The following TDRP variants were observed in gnomAD, a reference collection of about 807,000 sequenced individuals.
The protein encoded by TDRP is testis development related protein.
In TDRP, 12 loss-of-function variants were observed where a neutral mutation model predicts 10.5. The observed-to-expected ratio is 1.15, with a 90% confidence interval of 0.73 to 1.86. The LOEUF (loss-of-function observed/expected upper bound fraction) is 1.86. TDRP is among the 40% of genes most tolerant of loss of function. The probability of loss-of-function intolerance (pLI) is 0.00; values close to 1 mark genes in which losing one functional copy is unlikely to be tolerated. For synonymous variants in TDRP, 139 were observed against 95.4 expected (o/e 1.46, Z -2.67); for missense variants, 353 against 229.2 (o/e 1.54, Z -3.49).
Position 492,127 on chromosome 8 carries a change from C to T in TDRP, c.*272G>A. The stretch of plus-strand genomic sequence containing the variant: ...TCATTACTGCTGTATTATGGGAGAG[C>T]ATCATAAATTCACATCTCCAGTTTC... On this transcript the variant is annotated 3_prime_UTR_variant, in exon 3 of 3. Coordinates refer to ENST00000324079, the MANE Select transcript of TDRP (RefSeq NM_001384899.1). 1.6e-6 allele frequency: 2 copies of T among 1,235,552 alleles called. No individual in the cohort carries two copies. Among genetic ancestry groups the T allele is most frequent in the Non-Finnish European group, 2.0e-6 (2 of 989,926 alleles). The allele number at this position is 1,235,552 out of a possible 1,614,324, so 76.5% of individuals were successfully genotyped here. A position where few individuals can be genotyped will look rare whatever the true frequency, so the allele number is the denominator to read the frequency against.
At chr8:539,536 G>A (rs913888614) in intron 1 of TDRP, among the ~76,000 whole-genome samples, 4 of 152,168 alleles carry the variant, frequency 2.6e-5, no homozygotes, top group African/African-American at 4.8e-5. Flanking sequence ...TACTGGTAAG[G>A]GCTACAACTT....
At chr8:515,340 G>C (rs1180102744) in intron 1 of TDRP, among the ~76,000 whole-genome samples, 1 of 152,226 alleles carries the variant, frequency 6.6e-6, no homozygotes, top group African/African-American at 2.4e-5. Context: ...CATTATGCAT[G>C]TAAAGTGTTG....
intron 1 of TDRP, among the ~76,000 whole-genome samples, chr8:525,731 G>C (rs907581014): frequency 1.3e-5 from 2 of 152,036 alleles, no homozygotes; most frequent in African/African-American, 4.8e-5. Flanking sequence ...TACCACAAGA[G>C]AAAATCACCG....
intron 1 of TDRP, among the ~76,000 whole-genome samples, chr8:519,559 G>A (rs1350568958): frequency 6.6e-6 from 1 of 151,808 alleles, no homozygotes; most frequent in Non-Finnish European, 1.5e-5. Flanking sequence ...TCTATATACA[G>A]ACTGAAAAAC....
In TDRP at chr8:544,659, G is replaced by A. The variant is rs1450061448; in HGVS notation, c.99C>T (p.Ala33=). 37 of 431,138 alleles carry A rather than the reference G, an allele frequency of 8.6e-5. No homozygotes were observed. The highest frequency in any genetic ancestry group is 1.2e-4 in the Non-Finnish European group (36 of 305,416). 26.7% of individuals were successfully genotyped at this position (431,138 alleles called of 1,614,324 possible). The change falls in exon 1 of 3, where the codon GCC becomes GCT. Residue 33 remains alanine (A), a synonymous_variant. Coordinates refer to ENST00000324079, the MANE Select transcript of TDRP (RefSeq NM_001384899.1). ...GGPPPAAAAA[A]QAQVQGASFR... is the part of the protein sequence containing the mutation. ...CTGCGCACCCCCTCACCTGCGCCTG[G>A]GCGGCGGCGGCGGCGGCCGGTGGCG...
chr8:533,211 G>C (rs1802254473), intron 1 of TDRP, among the ~76,000 whole-genome samples: 1 of 152,184 alleles, frequency 6.6e-6, no homozygotes, highest in African/African-American at 2.4e-5. Context: ...TCACAAGCCA[G>C]AAGCACATAA....
intron 1 of TDRP, among the ~76,000 whole-genome samples, chr8:504,850 T>A (rs971104749): frequency 6.6e-6 from 1 of 152,222 alleles, no homozygotes; most frequent in Non-Finnish European, 1.5e-5. Flanking sequence ...CCCAGACTTA[T>A]AAATTCATTC....
intron 1 of TDRP, among the ~76,000 whole-genome samples, chr8:502,565 A>C (rs1801334285): frequency 6.6e-6 from 1 of 152,202 alleles, no homozygotes; most frequent in African/African-American, 2.4e-5. Flanking sequence ...ACAAACATGG[A>C]ACCCAGAGCC....
At chr8:511,846 G>A (rs867958396) in intron 1 of TDRP, among the ~76,000 whole-genome samples, 6 of 152,044 alleles carry the variant, frequency 3.9e-5, no homozygotes, top group Admixed American at 1.3e-4. Context: ...GGTCTAAGAA[G>A]GAAATCAGAA....
At chr8:540,332 G>C (rs774805751) in intron 1 of TDRP, among the ~76,000 whole-genome samples, 1 of 152,132 alleles carries the variant, frequency 6.6e-6, no homozygotes, top group Non-Finnish European at 1.5e-5. Context: ...ATATTATGAA[G>C]GGAACTCAAG....
chr8:493,869 T>A (rs2116709932), intron 2 of TDRP, among the ~76,000 whole-genome samples: 1 of 152,262 alleles, frequency 6.6e-6, no homozygotes, highest in African/African-American at 2.4e-5. Flanking sequence ...TAAGTTCAAT[T>A]TATAATTCTA....
chr8:505,415 G>A (rs1465393155), intron 1 of TDRP, among the ~76,000 whole-genome samples: 1 of 152,208 alleles, frequency 6.6e-6, no homozygotes, highest in Non-Finnish European at 1.5e-5. Flanking sequence ...TTGAAGATGT[G>A]TAAAATTTCT....
intron 1 of TDRP, among the ~76,000 whole-genome samples, chr8:539,675 A>T (rs966651023): frequency 6.6e-6 from 1 of 152,202 alleles, no homozygotes; most frequent in Admixed American, 6.5e-5. Flanking sequence ...AAGCAGGGAG[A>T]GAAAGGCCTC....
Position 492,248 on chromosome 8 carries a change from G to A in TDRP, c.*151C>T, listed in dbSNP as rs747891534. On this transcript the variant is annotated 3_prime_UTR_variant, in exon 3 of 3. Coordinates refer to ENST00000324079, the MANE Select transcript of TDRP (RefSeq NM_001384899.1). ...CACCAAGGAGTCACAGTGTGTGTGA[G>A]AGTTCATTAAATAAAGAAACAGAGG... 1 of 1,340,574 alleles carries A rather than the reference G, an allele frequency of 7.5e-7. No homozygotes were observed. The highest frequency in any genetic ancestry group is 2.5e-5 in the South Asian group (1 of 40,798). 83.0% of individuals were successfully genotyped at this position (1,340,574 alleles called of 1,614,324 possible).
chr8:539,478 A>T (rs1194172021), intron 1 of TDRP, among the ~76,000 whole-genome samples: 1 of 152,210 alleles, frequency 6.6e-6, no homozygotes, highest in Admixed American at 6.5e-5. Flanking sequence ...ATGACTGTAT[A>T]ACATTTAACA....
chr8:491,819 A>G lies in TDRP; in HGVS notation c.*580T>C. ...CTATTCCTCCCTCAGCAAAAGATGA[A>G]CATGCATTTTAAGATACATTTTACT... On this transcript the variant is annotated 3_prime_UTR_variant, in exon 3 of 3. Coordinates refer to ENST00000324079, the MANE Select transcript of TDRP (RefSeq NM_001384899.1). The G allele has an allele frequency of 8.0e-7, 1 of 1,248,146 alleles. No homozygotes were observed. The highest frequency in any genetic ancestry group is 1.0e-6 in the Non-Finnish European group (1 of 997,070). 77.3% of individuals were successfully genotyped at this position (1,248,146 alleles called of 1,614,324 possible). A position where few individuals can be genotyped will look rare whatever the true frequency, so the allele number is the denominator to read the frequency against.
chr8:518,676 A>C (rs73529929), intron 1 of TDRP, among the ~76,000 whole-genome samples: 3 of 151,702 alleles, frequency 2.0e-5, no homozygotes, highest in African/African-American at 7.3e-5. Flanking sequence ...AAAGGAACTA[A>C]AAGAATCTGA....
intron 1 of TDRP, among the ~76,000 whole-genome samples, chr8:522,791 T>G (rs551224844): frequency 6.6e-6 from 1 of 152,176 alleles, no homozygotes; most frequent in Non-Finnish European, 1.5e-5. Context: ...CTTCTTTGTG[T>G]TTTGTGACAG....
intron 1 of TDRP, among the ~76,000 whole-genome samples, chr8:536,811 C>T (rs1344035002): frequency 6.6e-6 from 1 of 152,144 alleles, no homozygotes; most frequent in African/African-American, 2.4e-5. Context: ...TAAGAGGAGC[C>T]AGCTGAATCC....
Sources: allele counts gnomAD v4.1 joint callset (sites outside exome capture counted in the v4.1 genomes callset), GRCh38; gene constraint gnomAD v4.1.1; transcripts MANE v1.5; gene names NCBI Gene and HGNC (gene_info 2026-07-23, HGNC 2026-07-21).